Variants in PIK3R3 observed in about 807,000 individuals in gnomAD.
PIK3R3 encodes phosphatidylinositol 3-kinase regulatory subunit gamma.
Under a neutral mutation model 62.9 loss-of-function variants are expected in PIK3R3, and 64 were observed. The ratio of observed to expected loss-of-function variants is 1.02; its 90% CI spans 0.83 to 1.25. The LOEUF is 1.25. PIK3R3 is among the 50% of genes most tolerant of loss of function. The pLI is 0.00. For missense variants in PIK3R3, 614 were observed against 561.6 expected, an observed-to-expected ratio of 1.09 and a Z score of -0.94; for synonymous variants, 165 against 189.0, an observed-to-expected ratio of 0.87 and a Z score of 1.04.
intron 6 of PIK3R3, among the ~76,000 whole-genome samples, chr1:46,059,686 C>T (rs373502960): frequency 2.0e-5 from 3 of 152,086 alleles, no homozygotes; most frequent in African/African-American, 7.2e-5. Flanking sequence ...CCTAGCAACT[C>T]GGGAGGCTGA....
chr1:46,102,144 C>T (rs891771764), intron 1 of PIK3R3, among the ~76,000 whole-genome samples: 20 of 151,812 alleles, frequency 1.3e-4, no homozygotes, highest in Non-Finnish European at 2.5e-4. Flanking sequence ...CACCACCTCG[C>T]CCGGCTAATT....
chr1:46,067,106 A>G lies in PIK3R3; in HGVS notation c.315-15T>C. Reference sequence around the variant, plus strand: ...TGCCTCCCTTCCTGTGAACAACAAGACAACAACTGTGGATTTTTTTCCCCC... The same window carrying G: ...TGCCTCCCTTCCTGTGAACAACAAGGCAACAACTGTGGATTTTTTTCCCCC... On this transcript the variant is annotated splice_polypyrimidine_tract_variant and intron_variant, in intron 3 of 9. Transcript: ENST00000262741. The G allele has an allele frequency of 1.3e-6, 2 of 1,520,342 alleles. No individual in the cohort carries two copies. The highest frequency in any genetic ancestry group is 1.8e-6 in the Non-Finnish European group (2 of 1,136,808). The allele number at this position is 1,520,342 out of a possible 1,614,324, so 94.2% of individuals were successfully genotyped here.
At chr1:46,052,084 G>C (rs1647407483) in intron 7 of PIK3R3, among the ~76,000 whole-genome samples, 1 of 152,194 alleles carries the variant, frequency 6.6e-6, no homozygotes, top group South Asian at 2.1e-4. Context: ...CTTGCAGTGA[G>C]CTGAGATCGC....
chr1:46,074,560 G>A (rs907089399), intron 3 of PIK3R3, among the ~76,000 whole-genome samples: 2 of 152,006 alleles, frequency 1.3e-5, no homozygotes, highest in Non-Finnish European at 2.9e-5. Flanking sequence ...TGTGGTGGGG[G>A]TGGGTCCTGA....
chr1:46,098,462 G>A (rs2149438373), intron 1 of PIK3R3, among the ~76,000 whole-genome samples: 1 of 152,300 alleles, frequency 6.6e-6, no homozygotes, highest in Non-Finnish European at 1.5e-5. Context: ...TCCATTAACT[G>A]GTGAATGGGA....
chr1:46,091,137 AC>A (rs1417080282), intron 1 of PIK3R3, among the ~76,000 whole-genome samples: 1 of 142,258 alleles, frequency 7.0e-6, no homozygotes, highest in East Asian at 2.0e-4. Flanking sequence ...CAGCATTTTA[AC>A]TTTTTTTTTT....
At position 46,071,759 on chromosome 1, in the gene PIK3R3, A is replaced by AGAGAGAGAGAGAGAGAGCGAGCGAGC. The variant is rs777668187; in HGVS notation, c.315-4669_315-4668insGCTCGCTCGCTCTCTCTCTCTCTCTC. 2.0e-4 allele frequency among the ~76,000 whole-genome samples: 20 copies of AGAGAGAGAGAGAGAGAGCGAGCGAGC among 100,126 alleles called. 1 individual carries two copies. In the East Asian group the frequency reaches 3.0e-3, roughly 15 times the overall value. 65.7% of individuals were successfully genotyped at this position (100,126 alleles called of 152,430 possible). Reference sequence around the variant, plus strand: ...GAGAGAGAGAGAGAGAGAGAGAGAGAGCGCGCGCCTGATCACAATTTCCCT... The same window carrying AGAGAGAGAGAGAGAGAGCGAGCGAGC: ...GAGAGAGAGAGAGAGAGAGAGAGAGAGAGAGAGAGAGAGAGAGCGAGCGAGCGCGCGCGCCTGATCACAATTTCCCT... On this transcript the variant is annotated intron_variant, in intron 3 of 9. Coordinates refer to ENST00000262741, the MANE Select transcript of PIK3R3 (RefSeq NM_003629.4).
At chr1:46,125,402 G>C (rs1655008230) in intron 1 of PIK3R3, among the ~76,000 whole-genome samples, 1 of 152,048 alleles carries the variant, frequency 6.6e-6, no homozygotes, top group South Asian at 2.1e-4. Context: ...CACAGGAGAA[G>C]TATTTATATA....
chr1:46,165,305 C>CTTTTTTTT, the PIK3R3 span, among the ~76,000 whole-genome samples: 1 of 130,038 alleles, frequency 7.7e-6, no homozygotes, highest in African/African-American at 2.9e-5. Flanking sequence ...TCTTCTTCTT[C>CTTTTTTTT]TTTTTTTTTT....
chr1:46,113,211 A>G (rs1653888357), intron 1 of PIK3R3, among the ~76,000 whole-genome samples: 2 of 151,886 alleles, frequency 1.3e-5, no homozygotes, highest in Non-Finnish European at 2.9e-5. Context: ...ATAAAATTCA[A>G]CCCCTAAATA....
At chr1:46,129,964 A>T (rs1041902576) in intron 1 of PIK3R3, among the ~76,000 whole-genome samples, 1 of 152,212 alleles carries the variant, frequency 6.6e-6, no homozygotes, top group Admixed American at 6.5e-5. Context: ...ATGGAAAATA[A>T]AGTTTGGATC....
the PIK3R3 span, among the ~76,000 whole-genome samples, chr1:46,145,820 T>A: frequency 6.6e-6 from 1 of 152,152 alleles, no homozygotes; most frequent in Admixed American, 6.5e-5. Flanking sequence ...GACAATGCTC[T>A]CCTTAGGAGA....
intron 1 of PIK3R3, among the ~76,000 whole-genome samples, chr1:46,116,849 A>G (rs1654232101): frequency 1.3e-5 from 2 of 152,174 alleles, no homozygotes; most frequent in African/African-American, 2.4e-5. Context: ...CAAACTAGAA[A>G]TAGGCAGGGC....
intron 3 of PIK3R3, among the ~76,000 whole-genome samples, chr1:46,077,090 G>A (rs946453487): frequency 2.6e-5 from 4 of 151,982 alleles, no homozygotes; most frequent in Non-Finnish European, 4.4e-5. Flanking sequence ...CATGATATAC[G>A]CTAGGAACTG....
the PIK3R3 span, among the ~76,000 whole-genome samples, chr1:46,138,370 G>T: frequency 2.0e-5 from 3 of 152,162 alleles, no homozygotes; most frequent in African/African-American, 7.2e-5. Context: ...GGTTTAAAAA[G>T]ATAAAAAGAC....
intron 1 of PIK3R3, among the ~76,000 whole-genome samples, chr1:46,087,116 G>A (rs1037051770): frequency 3.3e-5 from 5 of 152,154 alleles, no homozygotes; most frequent in South Asian, 2.1e-4. Context: ...AGGGCCCGTC[G>A]TGTGTGGGGG....
intron 1 of PIK3R3, among the ~76,000 whole-genome samples, chr1:46,093,002 C>T (rs1241814768): frequency 6.6e-6 from 1 of 152,168 alleles, no homozygotes; most frequent in Non-Finnish European, 1.5e-5. Context: ...TGGTCTCCAA[C>T]CATAAGTGGA....
intron 1 of PIK3R3, among the ~76,000 whole-genome samples, chr1:46,101,705 G>A (rs913759740): frequency 6.6e-6 from 1 of 152,164 alleles, no homozygotes; most frequent in Admixed American, 6.6e-5. Context: ...AATATTGTAT[G>A]ATTCAATTTA....
At chr1:46,109,084 G>A (rs912050533) in intron 1 of PIK3R3, among the ~76,000 whole-genome samples, 1 of 151,748 alleles carries the variant, frequency 6.6e-6, no homozygotes, top group East Asian at 1.9e-4. Flanking sequence ...GCATGAACCC[G>A]GGAGGTGGAG....
Sources: gnomAD v4.1 joint callset for allele counts (sites outside exome capture counted in the v4.1 genomes callset) on GRCh38, gnomAD v4.1.1 for gene constraint, MANE v1.5 for transcripts, NCBI Gene and HGNC (gene_info 2026-07-23, HGNC 2026-07-21) for gene names.